CNTN5: variants seen among roughly 807,000 people sequenced by gnomAD.
CNTN5 encodes the protein contactin 5.
Under a neutral mutation model 129.1 loss-of-function variants are expected in CNTN5, and 77 were observed. That is an observed-to-expected ratio of 0.60 (90% CI 0.50 to 0.72). The LOEUF (loss-of-function observed/expected upper bound fraction) is 0.72, where lower values mean the gene tolerates loss of function less well. CNTN5 is among the 30% of genes least tolerant of loss of function. The probability of loss-of-function intolerance (pLI) is 0.00; values close to 1 mark genes in which losing one functional copy is unlikely to be tolerated. For synonymous variants in CNTN5, 509 were observed against 465.6 expected, an observed-to-expected ratio of 1.09 and a Z score of -1.20; for missense variants, 1,478 against 1,328.8, an observed-to-expected ratio of 1.11 and a Z score of -1.75.
intron 17 of CNTN5, among the ~76,000 whole-genome samples, chr11:100,266,476 G>A (rs1397570374): frequency 6.6e-6 from 1 of 151,808 alleles, no homozygotes; most frequent in African/African-American, 2.4e-5. Flanking sequence ...CCATAATATT[G>A]CATTTCAAAT....
At position 99,954,626 on chromosome 11, in the gene CNTN5, T is replaced by G. The variant is rs1408933667; in HGVS notation, c.674-2180T>G. Among the ~76,000 whole-genome samples, 3 of 152,094 alleles carry G rather than the reference T, an allele frequency of 2.0e-5. No individual in the cohort carries two copies. In the East Asian group the frequency reaches 5.8e-4, roughly 29 times the overall value. On this transcript the variant is annotated intron_variant, in intron 7 of 24. Transcript: ENST00000524871. ...ACTAAAAATAATTATAGATTTATAG[T>G]TTTTTTATGATTACTTTGAAGGCAA...
chr11:99,324,295 C>A (rs75543413), intron 1 of CNTN5, among the ~76,000 whole-genome samples: 1 of 152,260 alleles, frequency 6.6e-6, no homozygotes, highest in African/African-American at 2.4e-5. Context: ...GGCCTTCAAT[C>A]ACTCTGAGGT....
intron 9 of CNTN5, among the ~76,000 whole-genome samples, chr11:100,056,729 G>A (rs61908082): frequency 0.14 from 21,767 of 151,476 alleles, 2,043 homozygotes; most frequent in East Asian, 0.26. Flanking sequence ...AGGACATAGA[G>A]TAGTAGTTTT....
chr11:100,143,450 C>T (rs916416241), intron 13 of CNTN5, among the ~76,000 whole-genome samples: 13 of 152,068 alleles, frequency 8.5e-5, no homozygotes, highest in African/African-American at 3.1e-4. Flanking sequence ...ATGAGACTCG[C>T]TGGGCAAAAC....
At chr11:99,829,487 A>T (rs1045134513) in intron 4 of CNTN5, among the ~76,000 whole-genome samples, 1 of 152,290 alleles carries the variant, frequency 6.6e-6, no homozygotes, top group South Asian at 2.1e-4. Flanking sequence ...ATGAATAAAA[A>T]CTTCTGAGCT....
chr11:99,151,010 AAGT>A (rs1181885335), intron 1 of CNTN5, among the ~76,000 whole-genome samples: 1 of 152,158 alleles, frequency 6.6e-6, no homozygotes, highest in African/African-American at 2.4e-5. Context: ...CTTATATTAC[AAGT>A]ATTAAAAGGA....
At chr11:99,679,518 T>G (rs1204828574) in intron 3 of CNTN5, among the ~76,000 whole-genome samples, 1 of 152,162 alleles carries the variant, frequency 6.6e-6, no homozygotes, top group African/African-American at 2.4e-5. Context: ...TATTGTAATT[T>G]TTTTGAGTTG....
intron 23 of CNTN5, among the ~76,000 whole-genome samples, chr11:100,342,409 T>G (rs1197018433): frequency 1.3e-5 from 2 of 152,208 alleles, no homozygotes; most frequent in Admixed American, 6.5e-5. Flanking sequence ...AGAACTATGA[T>G]GAACAATATC....
At chr11:99,853,502 C>A (rs180926884) in intron 6 of CNTN5, among the ~76,000 whole-genome samples, 8 of 151,968 alleles carry the variant, frequency 5.3e-5, no homozygotes, top group Admixed American at 4.6e-4. Context: ...CAGGTTCAAG[C>A]GATTCTCCTG....
chr11:99,695,463 T>C (rs565667501), intron 3 of CNTN5, among the ~76,000 whole-genome samples: 3 of 152,284 alleles, frequency 2.0e-5, no homozygotes, highest in African/African-American at 7.2e-5. Flanking sequence ...TTGGAGATTA[T>C]TCAGCTTTAG....
At chr11:100,337,516 A>G in intron 21 of CNTN5, 1 of 740,690 alleles carries the variant, frequency 1.4e-6, no homozygotes, top group Non-Finnish European at 2.5e-6. Context: ...AACCAGCTCA[A>G]ACGCATGTCT....
At chr11:99,481,908 G>C (rs919202317) in intron 2 of CNTN5, among the ~76,000 whole-genome samples, 1 of 152,156 alleles carries the variant, frequency 6.6e-6, no homozygotes, top group African/African-American at 2.4e-5. Context: ...GTTTAGGGAA[G>C]AGATGATATT....
chr11:99,404,310 C>A (rs924215787), intron 2 of CNTN5, among the ~76,000 whole-genome samples: 5 of 149,026 alleles, frequency 3.4e-5, no homozygotes, highest in Admixed American at 6.7e-5. Flanking sequence ...CTTTATTCAG[C>A]TTTTGATAGA....
intron 13 of CNTN5, among the ~76,000 whole-genome samples, chr11:100,104,792 T>C (rs911548318): frequency 1.3e-5 from 2 of 152,180 alleles, no homozygotes; most frequent in African/African-American, 4.8e-5. Context: ...GTTTTATACC[T>C]GAATATGCTT....
At chr11:99,999,216 G>A (rs1231739306) in intron 8 of CNTN5, among the ~76,000 whole-genome samples, 15 of 152,110 alleles carry the variant, frequency 9.9e-5, no homozygotes, top group Non-Finnish European at 1.6e-4. Context: ...AGAGTGAACA[G>A]GCAACCAATA....
intron 16 of CNTN5, among the ~76,000 whole-genome samples, chr11:100,230,510 C>T (rs982780745): frequency 2.0e-5 from 3 of 152,166 alleles, no homozygotes; most frequent in African/African-American, 7.2e-5. Context: ...AGATTTTCTG[C>T]ACCAGCTTTA....
At chr11:100,291,728 G>C (rs1314242247) in intron 18 of CNTN5, among the ~76,000 whole-genome samples, 1 of 148,282 alleles carries the variant, frequency 6.7e-6, no homozygotes, top group Non-Finnish European at 1.5e-5. Flanking sequence ...ATGTGCACAT[G>C]TACCCTAAAA....
At chr11:99,698,024 G>GTTT (rs1350421664) in intron 3 of CNTN5, among the ~76,000 whole-genome samples, 2 of 148,958 alleles carry the variant, frequency 1.3e-5, no homozygotes, top group African/African-American at 4.9e-5. Flanking sequence ...TTTACTGAAC[G>GTTT]TTTTTCATTA....
chr11:99,751,256 G>C (rs969232291), intron 3 of CNTN5, among the ~76,000 whole-genome samples: 17 of 152,310 alleles, frequency 1.1e-4, no homozygotes, highest in Admixed American at 5.2e-4. Context: ...AGAATTGCTT[G>C]AACTTGTGAG....
Sources: gnomAD v4.1 joint callset for allele counts (sites outside exome capture counted in the v4.1 genomes callset) on GRCh38, gnomAD v4.1.1 for gene constraint, MANE v1.5 for transcripts, NCBI Gene and HGNC (gene_info 2026-07-23, HGNC 2026-07-21) for gene names.